GAPVD1: variants seen among roughly 807,000 people sequenced by gnomAD.
GAPVD1 encodes the protein GTPase activating protein and VPS9 domains 1.
GAPVD1 carries 35 observed loss-of-function variants against 155.5 expected under a neutral mutation model. The observed-to-expected ratio is 0.23, with a 90% CI of 0.17 to 0.30. The LOEUF (loss-of-function observed/expected upper bound fraction) is 0.30. Among genes scored for constraint, GAPVD1 ranks in the 10% least tolerant of loss-of-function variants. GAPVD1 has a pLI of 1.00. For synonymous variants in GAPVD1, 636 were observed against 619.7 expected (o/e 1.03, Z -0.39); for missense variants, 1,429 against 1,775.7 (o/e 0.80, Z 3.51).
intron 2 of GAPVD1, among the ~76,000 whole-genome samples, chr9:125,293,659 TA>T (rs1403798916): frequency 2.8e-5 from 1 of 36,332 alleles, no homozygotes; most frequent in African/African-American, 1.4e-4. Context: ...ATATATATAT[TA>T]TATATATAAT....
Position 125,338,929 on chromosome 9 carries a change from TTGTGTGTGTG to T in GAPVD1, c.2877+1358_2877+1367del, listed in dbSNP as rs144909106. Among the ~76,000 whole-genome samples the T allele has an allele frequency of 2.1e-3, 302 of 146,726 alleles. 2 individuals are homozygous for T. The highest frequency in any genetic ancestry group is 7.0e-3 in the African/African-American group (277 of 39,680). On this transcript the variant is annotated intron_variant, in intron 17 of 27. Transcript: ENST00000297933. ...ATGGTTTTCTGTCTTTTAAAAAAAT[TTGTGTGTGTG>T]TGTGTGTGTGTGTGTGTGTATATAT...
At chr9:125,341,826 A>C (rs828290) in intron 18 of GAPVD1, 93,843 of 157,568 alleles carry the variant, frequency 0.6, 30,176 homozygotes, top group African/African-American at 0.86. Flanking sequence ...CTAGAAACTT[A>C]TTCCAAAGGC....
intron 9 of GAPVD1, among the ~76,000 whole-genome samples, chr9:125,315,917 A>AG (rs928875743): frequency 6.6e-6 from 1 of 152,196 alleles, no homozygotes; most frequent in African/African-American, 2.4e-5. Flanking sequence ...GTGAAGGCTA[A>AG]GGTACAGTTG....
chr9:125,281,775 G>T (rs904373092), intron 2 of GAPVD1, among the ~76,000 whole-genome samples: 1 of 151,116 alleles, frequency 6.6e-6, no homozygotes, highest in African/African-American at 2.4e-5. Context: ...ATGTATGTGT[G>T]TGGATGAAGC....
chr9:125,325,539 A>AAAAAAAAC (rs71374252), intron 11 of GAPVD1, among the ~76,000 whole-genome samples: 1 of 148,998 alleles, frequency 6.7e-6, no homozygotes. Context: ...AAAAAAAAAA[A>AAAAAAAAC]GATGATGCCC....
chr9:125,289,740 A>G (rs1838286089), intron 2 of GAPVD1, among the ~76,000 whole-genome samples: 1 of 152,164 alleles, frequency 6.6e-6, no homozygotes, highest in Non-Finnish European at 1.5e-5. Context: ...TTCAGGGGAA[A>G]GGGACAGACT....
At chr9:125,362,063 T>TA in intron 27 of GAPVD1, among the ~76,000 whole-genome samples, 1 of 152,178 alleles carries the variant, frequency 6.6e-6, no homozygotes, top group South Asian at 2.1e-4. Context: ...AGAGCCAGTT[T>TA]AAGCTAGTTT....
At chr9:125,335,040 A>G (rs1846679130) in intron 15 of GAPVD1, 1 of 523,080 alleles carries the variant, frequency 1.9e-6, no homozygotes, top group Admixed American at 2.9e-5. Flanking sequence ...TTCAAATTCT[A>G]CCTTGTAGCT....
chr9:125,268,251 C>T (rs1421290120), intron 1 of GAPVD1, among the ~76,000 whole-genome samples: 7 of 145,740 alleles, frequency 4.8e-5, no homozygotes, highest in African/African-American at 7.5e-5. Flanking sequence ...TCTTAGCCAC[C>T]GTCACAATGT....
rs753125160 is a variant in GAPVD1 at position 125,359,500 on chromosome 9, A to G, written c.4044+8A>G. The G allele has an allele frequency of 2.2e-6, 3 of 1,337,478 alleles. No individual in the cohort carries two copies. Among genetic ancestry groups the G allele is most frequent in the South Asian group, 2.3e-5 (2 of 85,502 alleles). The allele number at this position is 1,337,478 out of a possible 1,614,324, so 82.9% of individuals were successfully genotyped here. A position where few individuals can be genotyped will look rare whatever the true frequency, so the allele number is the denominator to read the frequency against. On this transcript the variant is annotated splice_region_variant and intron_variant, in intron 26 of 27. Transcript: ENST00000297933. ...GCTCTTCAGATACCAGAGGTAATACAGGTTTATATAGCATGGGTAATGTTA... is the reference window on the plus strand; with the variant it reads ...GCTCTTCAGATACCAGAGGTAATACGGGTTTATATAGCATGGGTAATGTTA...
intron 11 of GAPVD1, among the ~76,000 whole-genome samples, chr9:125,324,465 T>C (rs1027766160): frequency 6.6e-6 from 1 of 152,134 alleles, no homozygotes; most frequent in African/African-American, 2.4e-5. Flanking sequence ...GGCACATGCC[T>C]GTAATCCCAG....
At chr9:125,340,295 A>G (rs1323148261) in intron 17 of GAPVD1, among the ~76,000 whole-genome samples, 6 of 152,226 alleles carry the variant, frequency 3.9e-5, no homozygotes, top group Non-Finnish European at 7.3e-5. Flanking sequence ...TGCTGGGATT[A>G]CAGGCGTGAG....
intron 2 of GAPVD1, among the ~76,000 whole-genome samples, chr9:125,285,079 T>A (rs142760292): frequency 3.0e-4 from 46 of 152,304 alleles, no homozygotes; most frequent in Admixed American, 4.6e-4. Context: ...AGTTTTTCTG[T>A]GAAGGGCTAG....
intron 25 of GAPVD1, 132 bp downstream of exon 25, chr9:125,355,989 C>T: frequency 3.2e-6 from 2 of 634,676 alleles, no homozygotes; most frequent in South Asian, 1.9e-5. Flanking sequence ...CCATTTTTCA[C>T]CTGTCAGAGT....
chr9:125,355,268 G>T (rs1849905844), intron 24 of GAPVD1, among the ~76,000 whole-genome samples: 1 of 152,044 alleles, frequency 6.6e-6, no homozygotes, highest in Non-Finnish European at 1.5e-5. Context: ...ACCACGCCCA[G>T]CTAATTTTCA....
In GAPVD1 at chr9:125,305,162, A is replaced by C; in HGVS notation, c.1116+13A>C. 6.4e-7 allele frequency: 1 copy of C among 1,565,694 alleles called. No individual in the cohort carries two copies. Among genetic ancestry groups the C allele is most frequent in the Non-Finnish European group, 8.8e-7 (1 of 1,136,294 alleles). On this transcript the variant is annotated intron_variant, in intron 6 of 27. Transcript: ENST00000297933. ...AAAGTTTGACAAAGTAAGAATAAAT[A>C]TGATTTATAGAAAATTCTGAAGTAT... is the stretch of plus-strand genomic sequence containing the variant.
At chr9:125,284,180 CT>C (rs34335675) in intron 2 of GAPVD1, among the ~76,000 whole-genome samples, 1,232 of 92,610 alleles carry the variant, frequency 0.013, 37 homozygotes, top group East Asian at 0.085. Flanking sequence ...CCCGCCAGAA[CT>C]TTTTTTTTTT....
intron 2 of GAPVD1, among the ~76,000 whole-genome samples, chr9:125,271,942 C>T (rs1356095922): frequency 6.6e-6 from 1 of 152,128 alleles, no homozygotes; most frequent in African/African-American, 2.4e-5. Flanking sequence ...TGCATTAGGT[C>T]TAAAAGTTAT....
At chr9:125,276,061 G>A (rs902545862) in intron 2 of GAPVD1, among the ~76,000 whole-genome samples, 20 of 152,110 alleles carry the variant, frequency 1.3e-4, no homozygotes, top group African/African-American at 4.6e-4. Flanking sequence ...TTTGGATTTC[G>A]TTTACTTTTG....
Sources: gnomAD v4.1 joint callset for allele counts (sites outside exome capture counted in the v4.1 genomes callset) on GRCh38, gnomAD v4.1.1 for gene constraint, MANE v1.5 for transcripts, NCBI Gene and HGNC (gene_info 2026-07-23, HGNC 2026-07-21) for gene names.